The following CHCHD3 variants were observed in gnomAD, a reference collection of about 807,000 sequenced individuals.
The protein encoded by CHCHD3 is MICOS complex subunit MIC19.
Under a neutral mutation model 38.2 loss-of-function variants are expected in CHCHD3, and 20 were observed. The ratio of observed to expected loss-of-function variants is 0.52; its 90% CI spans 0.37 to 0.76. The LOEUF is 0.76. CHCHD3 is among the 30% of genes least tolerant of loss of function. CHCHD3 has a pLI of 0.00. For synonymous variants in CHCHD3, 82 were observed against 100.0 expected (o/e 0.82, Z 1.07); for missense variants, 245 against 279.2 (o/e 0.88, Z 0.87).
chr7:132,956,903 T>C (rs1053235256), intron 4 of CHCHD3, among the ~76,000 whole-genome samples: 1 of 152,044 alleles, frequency 6.6e-6, no homozygotes, highest in Non-Finnish European at 1.5e-5. Context: ...CAGGAGAGAA[T>C]ACAAAAACAA....
chr7:132,933,816 G>A (rs1810572394), intron 4 of CHCHD3, among the ~76,000 whole-genome samples: 1 of 152,206 alleles, frequency 6.6e-6, no homozygotes. Context: ...CAGAAGAAGA[G>A]ACAATGTGCC....
At chr7:133,080,647 G>C (rs960771161) in intron 1 of CHCHD3, among the ~76,000 whole-genome samples, 4 of 152,076 alleles carry the variant, frequency 2.6e-5, no homozygotes, top group African/African-American at 9.7e-5. Context: ...AAAGAATACA[G>C]CCTCAGATAT....
intron 5 of CHCHD3, among the ~76,000 whole-genome samples, chr7:132,856,913 C>A (rs1808353749): frequency 1.3e-5 from 2 of 152,150 alleles, no homozygotes; most frequent in South Asian, 4.1e-4. Flanking sequence ...GGATAAGAGA[C>A]TGAAGTTTTC....
At chr7:133,054,678 G>T (rs923334604) in intron 2 of CHCHD3, among the ~76,000 whole-genome samples, 46 of 152,108 alleles carry the variant, frequency 3.0e-4, no homozygotes, top group African/African-American at 1.1e-3. Context: ...CCCTATCCTT[G>T]TTACCACCAC....
intron 3 of CHCHD3, among the ~76,000 whole-genome samples, chr7:132,983,738 T>G (rs1183156487): frequency 4.0e-5 from 6 of 151,828 alleles, no homozygotes; most frequent in Admixed American, 3.9e-4. Context: ...GTCATGACAT[T>G]AGAGGAAAAA....
chr7:132,984,296 C>T (rs1235230061), intron 3 of CHCHD3, among the ~76,000 whole-genome samples: 418 of 149,258 alleles, frequency 2.8e-3, no homozygotes, highest in African/African-American at 9.5e-3. Context: ...AGCTCCTAAC[C>T]GCGAGTGATC....
chr7:132,796,370 C>T lies in CHCHD3; in HGVS notation c.660+72G>A. The T allele has an allele frequency of 3.2e-6, 5 of 1,574,450 alleles. No homozygotes were observed. In the South Asian group the frequency reaches 5.7e-5, roughly 18 times the overall value. On this transcript the variant is annotated intron_variant, in intron 7 of 7. Transcript: ENST00000262570. Reference sequence around the variant, plus strand: ...TTTCACACACAGTGGCCCATTTAGTCCTTACCACTGCCCCAGGTCATCCAG... The same window carrying T: ...TTTCACACACAGTGGCCCATTTAGTTCTTACCACTGCCCCAGGTCATCCAG...
At chr7:132,915,950 A>C (rs901317886) in intron 4 of CHCHD3, among the ~76,000 whole-genome samples, 1 of 150,862 alleles carries the variant, frequency 6.6e-6, no homozygotes, top group African/African-American at 2.5e-5. Flanking sequence ...TTTTTTAATA[A>C]AAAAATTTTT....
At chr7:132,921,471 A>T (rs1259609230) in intron 4 of CHCHD3, among the ~76,000 whole-genome samples, 1 of 152,202 alleles carries the variant, frequency 6.6e-6, no homozygotes, top group Non-Finnish European at 1.5e-5. Flanking sequence ...AATAATCTGC[A>T]AGTCTCTGCA....
chr7:132,799,646 G>C (rs750160884), intron 6 of CHCHD3, among the ~76,000 whole-genome samples: 1 of 152,098 alleles, frequency 6.6e-6, no homozygotes, highest in South Asian at 2.1e-4. Context: ...ATAAAGAAGT[G>C]GGAAGATCTA....
intron 6 of CHCHD3, among the ~76,000 whole-genome samples, chr7:132,821,600 T>G (rs1180245649): frequency 6.6e-6 from 1 of 152,184 alleles, no homozygotes; most frequent in East Asian, 1.9e-4. Context: ...TGTAGTATAT[T>G]AAACATTTGC....
rs944458629 is a variant in CHCHD3 at position 132,788,885 on chromosome 7, A to G, written c.661-3225T>C. Among the ~76,000 whole-genome samples the G allele has an allele frequency of 6.6e-6, 1 of 152,226 alleles. No homozygotes were observed. Among genetic ancestry groups the G allele is most frequent in the Admixed American group, 6.5e-5 (1 of 15,280 alleles). On this transcript the variant is annotated intron_variant, in intron 7 of 7. Coordinates refer to ENST00000262570, the MANE Select transcript of CHCHD3 (RefSeq NM_017812.4). This position sits in a 1 kb window ranked among gnomAD's most constrained non-coding sequence, Gnocchi z 4.0. ...TCAAACTGCACTCACTTGCTACCAA[A>G]GGGTGGCAGGGGTGGTACAAAACCA...
At chr7:132,807,637 A>ATG (rs948175603) in intron 6 of CHCHD3, among the ~76,000 whole-genome samples, 6 of 113,036 alleles carry the variant, frequency 5.3e-5, no homozygotes, top group Admixed American at 5.0e-4. Flanking sequence ...ATATATATAT[A>ATG]TATATATACT....
chr7:133,047,746 A>G (rs1814035823), intron 2 of CHCHD3, among the ~76,000 whole-genome samples: 1 of 152,228 alleles, frequency 6.6e-6, no homozygotes, highest in Non-Finnish European at 1.5e-5. Context: ...AGAGATACAG[A>G]TAATCCCAAA....
At chr7:132,794,991 C>T (rs1806569788) in intron 7 of CHCHD3, among the ~76,000 whole-genome samples, 1 of 152,138 alleles carries the variant, frequency 6.6e-6, no homozygotes, top group African/African-American at 2.4e-5. Flanking sequence ...AAATATATAC[C>T]ATTGATGTCA....
intron 3 of CHCHD3, among the ~76,000 whole-genome samples, chr7:133,014,786 G>C (rs538411949): frequency 1.3e-5 from 2 of 151,866 alleles, no homozygotes; most frequent in African/African-American, 4.8e-5. Context: ...CTCCAAGAAA[G>C]AAGTTAACAA....
rs532215292 is a variant in CHCHD3 at position 133,021,110 on chromosome 7, G to A, written c.251+3436C>T. Among the ~76,000 whole-genome samples the A allele has an allele frequency of 2.6e-5, 4 of 152,148 alleles. No individual in the cohort carries two copies. The South Asian group carries it at 8.3e-4, about 32-fold the overall frequency. On this transcript the variant is annotated intron_variant, in intron 3 of 7. Coordinates refer to ENST00000262570, the MANE Select transcript of CHCHD3 (RefSeq NM_017812.4). ...CTCCAAACATTGTCAAATGCCCCCT[G>A]GGGATCAAATGCTCTCCCAGCTGAG...
intron 3 of CHCHD3, among the ~76,000 whole-genome samples, chr7:132,980,364 A>G (rs552489956): frequency 2.0e-5 from 3 of 152,370 alleles, no homozygotes; most frequent in Admixed American, 2.0e-4. Flanking sequence ...CTTAGAGAAT[A>G]CATTCCTTTT....
chr7:132,813,708 C>G (rs565879729), intron 6 of CHCHD3: 3 of 152,062 alleles, frequency 2.0e-5, no homozygotes, highest in Non-Finnish European at 2.9e-5. Context: ...ACTTAAAAAC[C>G]AAGTTTTAGA....
Sources: allele counts gnomAD v4.1 joint callset (sites outside exome capture counted in the v4.1 genomes callset), GRCh38; gene constraint gnomAD v4.1.1; non-coding constraint Gnocchi (gnomAD v3.1); transcripts MANE v1.5; gene names NCBI Gene and HGNC (gene_info 2026-07-23, HGNC 2026-07-21).